The following PPM1E variants were observed in gnomAD, a reference collection of about 807,000 sequenced individuals.
PPM1E encodes the protein protein phosphatase 1E.
A neutral mutation model predicts 65.9 loss-of-function variants in PPM1E; 20 were observed. The observed-to-expected ratio is 0.30, with a 90% confidence interval of 0.21 to 0.44. PPM1E has a LOEUF of 0.44. Ranked by LOEUF, PPM1E falls within the 20% of genes least tolerant of loss-of-function variation. The pLI, the probability that PPM1E is intolerant of heterozygous loss-of-function variation, is 1.00. For synonymous variants in PPM1E, 352 were observed against 374.9 expected (o/e 0.94, Z 0.70); for missense variants, 713 against 953.1 (o/e 0.75, Z 3.32).
chr17:58,807,932 T>G (rs1395231829), intron 1 of PPM1E, among the ~76,000 whole-genome samples: 1 of 152,220 alleles, frequency 6.6e-6, no homozygotes, highest in Non-Finnish European at 1.5e-5. Context: ...CCTCATATAC[T>G]GCTAGTAAGA....
chr17:58,894,788 AT>A (rs892333432), intron 1 of PPM1E, among the ~76,000 whole-genome samples: 2 of 151,910 alleles, frequency 1.3e-5, no homozygotes, highest in African/African-American at 4.8e-5. Context: ...TACAACTTAT[AT>A]TTTTTGTATT....
chr17:58,899,803 A>G (rs1240032637), intron 1 of PPM1E: 1 of 156,906 alleles, frequency 6.4e-6, no homozygotes, highest in South Asian at 2.0e-4. Flanking sequence ...GTTGATTCCA[A>G]CTCTCATGGA....
chr17:58,906,503 A>G (rs1026646406), intron 1 of PPM1E, among the ~76,000 whole-genome samples: 7 of 151,786 alleles, frequency 4.6e-5, no homozygotes, highest in Non-Finnish European at 8.8e-5. Flanking sequence ...CTGTCCAGCT[A>G]ATTTTTGTAT....
chr17:58,921,843 C>T (rs1436337552), intron 1 of PPM1E, among the ~76,000 whole-genome samples: 1 of 151,736 alleles, frequency 6.6e-6, no homozygotes, highest in Non-Finnish European at 1.5e-5. Flanking sequence ...GAGTTGAAGA[C>T]CAGGCTGGCT....
chr17:58,898,864 T>C (rs1354501858), intron 1 of PPM1E, among the ~76,000 whole-genome samples: 2 of 152,066 alleles, frequency 1.3e-5, no homozygotes, highest in South Asian at 2.1e-4. Context: ...TGTAGCGACA[T>C]GGATGAAGCC....
intron 1 of PPM1E, among the ~76,000 whole-genome samples, chr17:58,942,405 T>C (rs889516689): frequency 2.0e-5 from 3 of 152,022 alleles, no homozygotes; most frequent in Non-Finnish European, 4.4e-5. Flanking sequence ...AAAGAAATAT[T>C]GATGAATAAT....
At chr17:58,900,293 G>A (rs749998369) in intron 1 of PPM1E, among the ~76,000 whole-genome samples, 1 of 152,192 alleles carries the variant, frequency 6.6e-6, no homozygotes, top group Non-Finnish European at 1.5e-5. Context: ...GAAAGGAAGA[G>A]TCAATAGATG....
At chr17:58,851,834 G>A (rs557628838) in intron 1 of PPM1E, among the ~76,000 whole-genome samples, 3 of 152,166 alleles carry the variant, frequency 2.0e-5, no homozygotes, top group Admixed American at 6.5e-5. Flanking sequence ...TTAAGTCTCC[G>A]AAGTTTCTGC....
Position 58,827,684 on chromosome 17 carries a change from C to T in PPM1E, c.464+71223C>T, listed in dbSNP as rs573135834. ...TTGGGAGGCCGAGGAGGGCGGATCA[C>T]GAGGTCAGGAGATCGAGACCATCCT... On this transcript the variant is annotated intron_variant, in intron 1 of 6. Coordinates refer to ENST00000308249, the MANE Select transcript of PPM1E (RefSeq NM_014906.5). Among the ~76,000 whole-genome samples the T allele has an allele frequency of 4.3e-4, 65 of 150,618 alleles. No individual in the cohort carries two copies. In the East Asian group the frequency reaches 9.0e-3, roughly 21 times the overall value.
At chr17:58,830,045 C>T (rs1387309273) in intron 1 of PPM1E, among the ~76,000 whole-genome samples, 2 of 151,970 alleles carry the variant, frequency 1.3e-5, no homozygotes, top group Non-Finnish European at 2.9e-5. Flanking sequence ...CATGGTGGCC[C>T]ATGCCTGTAG....
intron 1 of PPM1E, among the ~76,000 whole-genome samples, chr17:58,947,137 T>C (rs2052165015): frequency 1.0e-5 from 1 of 95,418 alleles, no homozygotes; most frequent in Admixed American, 1.0e-4. Flanking sequence ...TTTTTTTTTT[T>C]TAGACAGTCT....
At chr17:58,769,333 G>A (rs946155490) in intron 1 of PPM1E, among the ~76,000 whole-genome samples, 11 of 152,018 alleles carry the variant, frequency 7.2e-5, no homozygotes, top group South Asian at 2.1e-4. Flanking sequence ...AGTGGCTCCC[G>A]CCTATAATTC....
chr17:58,819,004 G>A (rs190444459), intron 1 of PPM1E, among the ~76,000 whole-genome samples: 7 of 152,254 alleles, frequency 4.6e-5, no homozygotes, highest in Admixed American at 3.9e-4. Context: ...CATGGGCTCC[G>A]TGGCTAAAAT....
In PPM1E at chr17:58,983,340, C is replaced by G. The variant is rs1266005228; in HGVS notation, c.*2309C>G. On this transcript the variant is annotated 3_prime_UTR_variant, in exon 7 of 7. Transcript: ENST00000308249. Reference sequence around the variant, plus strand: ...GTTAGGTACCATTTGTAAGGTAAATCCTTTAAAATTCTATAATACATACTA... The same window carrying G: ...GTTAGGTACCATTTGTAAGGTAAATGCTTTAAAATTCTATAATACATACTA... 1 of 158,128 alleles carries G rather than the reference C, an allele frequency of 6.3e-6. No homozygotes were observed. Among genetic ancestry groups the G allele is most frequent in the Non-Finnish European group, 1.4e-5 (1 of 71,640 alleles). 9.8% of individuals were successfully genotyped at this position (158,128 alleles called of 1,614,324 possible).
At chr17:58,871,030 G>T (rs1303396250) in intron 1 of PPM1E, among the ~76,000 whole-genome samples, 1 of 152,010 alleles carries the variant, frequency 6.6e-6, no homozygotes, top group Non-Finnish European at 1.5e-5. Context: ...TGTTATGTGT[G>T]TTCATTTAAC....
At position 58,867,916 on chromosome 17, in the gene PPM1E, T is replaced by C. The variant is rs2051023784; in HGVS notation, c.465-87733T>C. Among the ~76,000 whole-genome samples the C allele has an allele frequency of 1.3e-5, 2 of 152,174 alleles. 1 individual carries two copies. The highest frequency in any genetic ancestry group is 2.9e-5 in the Non-Finnish European group (2 of 68,024). On this transcript the variant is annotated intron_variant, in intron 1 of 6. Transcript: ENST00000308249. ...CTGAAAAACTATAGGTTGAGATTGATATGCTGTTATAGGAGTATTTGTTAC... is the reference window on the plus strand; with the variant it reads ...CTGAAAAACTATAGGTTGAGATTGACATGCTGTTATAGGAGTATTTGTTAC...
intron 1 of PPM1E, among the ~76,000 whole-genome samples, chr17:58,939,896 G>A (rs925732839): frequency 6.6e-6 from 1 of 152,132 alleles, no homozygotes; most frequent in Admixed American, 6.6e-5. Context: ...AAAAAGAAAA[G>A]CATTATTCTT....
Position 58,756,300 on chromosome 17 carries a change from C to T in PPM1E, c.303C>T (p.Gly101=). 6.6e-7 allele frequency: 1 copy of T among 1,515,618 alleles called. No homozygotes were observed. The highest frequency in any genetic ancestry group is 8.8e-7 in the Non-Finnish European group (1 of 1,132,586). 93.9% of individuals were successfully genotyped at this position (1,515,618 alleles called of 1,614,324 possible). A position where few individuals can be genotyped will look rare whatever the true frequency, so the allele number is the denominator to read the frequency against. Reference sequence around the variant, plus strand: ...TTGAGGGTGAGGAGGAGGAGGAGGGCGCGGCGACGGCGGCGGCAGCCCCGG... The same window carrying T: ...TTGAGGGTGAGGAGGAGGAGGAGGGTGCGGCGACGGCGGCGGCAGCCCCGG... ...AAVEGEEEEE[G]AATAAAAPGH... is the part of the protein sequence containing the mutation. The change falls in exon 1 of 7, where the codon GGC becomes GGT. Residue 101 remains glycine (G), a synonymous_variant. Transcript: ENST00000308249.
At chr17:58,768,629 AAAG>A (rs1483145065) in intron 1 of PPM1E, among the ~76,000 whole-genome samples, 1 of 152,212 alleles carries the variant, frequency 6.6e-6, no homozygotes, top group African/African-American at 2.4e-5. Context: ...TAATGAAAGA[AAAG>A]AAAAAGTTAA....
Sources: allele counts gnomAD v4.1 joint callset (sites outside exome capture counted in the v4.1 genomes callset), GRCh38; gene constraint gnomAD v4.1.1; transcripts MANE v1.5; gene names NCBI Gene and HGNC (gene_info 2026-07-23, HGNC 2026-07-21).